USHBP1: variants seen among roughly 807,000 people sequenced by gnomAD.
The protein encoded by USHBP1 is harmonin-binding protein USHBP1.
A neutral mutation model predicts 76.2 loss-of-function variants in USHBP1; 67 were observed. That is an observed-to-expected ratio of 0.88 (90% CI 0.72 to 1.08). The LOEUF is 1.08. Ranked by LOEUF, USHBP1 falls within the 50% of genes least tolerant of loss-of-function variation. The pLI, the probability that USHBP1 is intolerant of heterozygous loss-of-function variation, is 0.00. For synonymous variants in USHBP1, 322 were observed against 362.2 expected, an observed-to-expected ratio of 0.89 and a Z score of 1.26; for missense variants, 931 against 915.0, an observed-to-expected ratio of 1.02 and a Z score of -0.23.
At chr19:17,253,631 G>A (rs1191923074) in intron 10 of USHBP1, among the ~76,000 whole-genome samples, 1 of 148,064 alleles carries the variant, frequency 6.8e-6, no homozygotes, top group Non-Finnish European at 1.5e-5. Flanking sequence ...GGTGGCTCAC[G>A]TCTGTAATCC....
rs34111538 is a variant in USHBP1, at chr19:17,261,337, C to CTTTTTT, written c.642+1209_642+1214dup. ...TTTCTTTTTCTTTCTTTCTTTCTTT[C>CTTTTTT]TTTTTTTTTTTTTTTTGAGAAAGAG... is the stretch of plus-strand genomic sequence containing the variant. On this transcript the variant is annotated intron_variant, in intron 4 of 12. Coordinates refer to ENST00000252597, the MANE Select transcript of USHBP1 (RefSeq NM_031941.4). Among the ~76,000 whole-genome samples, 5 of 123,904 alleles carry CTTTTTT rather than the reference C, an allele frequency of 4.0e-5. 1 individual carries two copies. The highest frequency in any genetic ancestry group is 8.3e-3 in the Middle Eastern group (2 of 240). The allele number at this position is 123,904 out of a possible 152,430, so 81.3% of individuals were successfully genotyped here.
chr19:17,253,065 T>C (rs1599466017), intron 10 of USHBP1, among the ~76,000 whole-genome samples: 1 of 145,358 alleles, frequency 6.9e-6, no homozygotes, highest in Non-Finnish European at 1.5e-5. Context: ...GCCTCCCGGG[T>C]TCACGCCATT....
rs2073726995 is a variant in USHBP1, at chr19:17,264,274, CG to C, written c.25del (p.Arg9GlufsTer39). On this transcript the variant is annotated frameshift_variant, in exon 2 of 13. Coordinates refer to ENST00000252597, the MANE Select transcript of USHBP1 (RefSeq NM_031941.4). LOFTEE classifies it high-confidence loss of function. MSARATRP[R>X]SRRGRHAPPG... ...TGGAGCATGCCTCCCTCGCCGGCTT[CG>C]GGGCCGCGTGGCCCGGGCACTCATT... 4 of 1,613,452 alleles carry C rather than the reference CG, an allele frequency of 2.5e-6. No individual in the cohort carries two copies. Among genetic ancestry groups the C allele is most frequent in the Non-Finnish European group, 3.4e-6 (4 of 1,179,902 alleles).
chr19:17,258,789 T>C, intron 7 of USHBP1: 1 of 279,328 alleles, frequency 3.6e-6, no homozygotes, highest in Non-Finnish European at 7.0e-6. Context: ...AGTCCCCACT[T>C]GCTCCTGAAC....
rs1392344210 is a variant in USHBP1, at chr19:17,255,598, C to T, written c.1479G>A (p.Leu493=). 1.9e-6 allele frequency: 3 copies of T among 1,610,420 alleles called. No individual in the cohort carries two copies. The highest frequency in any genetic ancestry group is 2.5e-6 in the Non-Finnish European group (3 of 1,178,022). ...QQDLVAAREA[L]ADLMLRLQLV... is the part of the protein sequence containing the mutation. Reference sequence around the variant, plus strand: ...GCTGCAGCCGAAGCATCAGGTCCGCCAGGGCCTCCTGTGGGACCAAGGAGA... The same window carrying T: ...GCTGCAGCCGAAGCATCAGGTCCGCTAGGGCCTCCTGTGGGACCAAGGAGA... Residue 493 remains leucine (L), a synonymous_variant, in exon 10 of 13, where the codon CTG becomes CTA. Coordinates refer to ENST00000252597, the MANE Select transcript of USHBP1 (RefSeq NM_031941.4).
In USHBP1 at chr19:17,251,567, G is replaced by A; in HGVS notation, c.1922+15C>T. ...ATGGTGCCAGGGGGATTGGGGGGAT[G>A]CAGAACAGTCCTACCTGTGGGCTTT... is the stretch of plus-strand genomic sequence containing the variant. On this transcript the variant is annotated intron_variant, in intron 12 of 12. Coordinates refer to ENST00000252597, the MANE Select transcript of USHBP1 (RefSeq NM_031941.4). The A allele has an allele frequency of 6.2e-7, 1 of 1,613,202 alleles. No homozygotes were observed. Among genetic ancestry groups the A allele is most frequent in the South Asian group, 1.1e-5 (1 of 91,060 alleles).
chr19:17,252,048 T>C, intron 10 of USHBP1, 31 bp from the exon 11 acceptor site: 2 of 1,539,338 alleles, frequency 1.3e-6, no homozygotes, highest in Non-Finnish European at 1.7e-6. Context: ...GAAAGTGACA[T>C]TAACCTAGGC....
intron 8 of USHBP1, 122 bp downstream of exon 8, chr19:17,258,090 A>C: frequency 2.1e-6 from 3 of 1,396,840 alleles, no homozygotes; most frequent in South Asian, 1.2e-5. Flanking sequence ...AGTGAGCTCC[A>C]TACCGACCTT....
At chr19:17,254,337 A>C (rs2073591822) in intron 10 of USHBP1, among the ~76,000 whole-genome samples, 2 of 149,924 alleles carry the variant, frequency 1.3e-5, no homozygotes, top group African/African-American at 4.9e-5. Context: ...ACAGAGCGAC[A>C]CTCTGCCTCA....
chr19:17,253,350 G>A (rs989695627), intron 10 of USHBP1, among the ~76,000 whole-genome samples: 23 of 149,052 alleles, frequency 1.5e-4, no homozygotes, highest in African/African-American at 5.4e-4. Context: ...GTGCAGTGGC[G>A]CAATCTCGGC....
intron 4 of USHBP1, among the ~76,000 whole-genome samples, chr19:17,261,915 C>T (rs1013569051): frequency 6.6e-6 from 1 of 151,898 alleles, no homozygotes; most frequent in Admixed American, 6.6e-5. Context: ...TAACTCCTGG[C>T]CTCAAGGGAG....
intron 4 of USHBP1, 53 bp downstream of exon 4, chr19:17,262,499 C>A: frequency 6.5e-7 from 1 of 1,538,074 alleles, no homozygotes; most frequent in Non-Finnish European, 8.7e-7. Context: ...ACATCAGGCC[C>A]ACCTCCTCCC....
Position 17,259,741 on chromosome 19 carries a change from A to T in USHBP1, c.769-9T>A. On this transcript the variant is annotated splice_polypyrimidine_tract_variant and intron_variant, in intron 5 of 12. Transcript: ENST00000252597. ...GCCAGGGAGAAGGAGTCCTGCCAAGAAGAAGTGATATAACTGACCCCAATT... is the reference window on the plus strand; with the variant it reads ...GCCAGGGAGAAGGAGTCCTGCCAAGTAGAAGTGATATAACTGACCCCAATT... 1 of 1,606,270 alleles carries T rather than the reference A, an allele frequency of 6.2e-7. No homozygotes were observed. Among genetic ancestry groups the T allele is most frequent in the Non-Finnish European group, 8.5e-7 (1 of 1,176,696 alleles).
chr19:17,259,042 G>A (rs2073656139), intron 7 of USHBP1, among the ~76,000 whole-genome samples: 1 of 152,002 alleles, frequency 6.6e-6, no homozygotes, highest in African/African-American at 2.4e-5. Flanking sequence ...GCATACACCT[G>A]TAATCCCAGC....
intron 12 of USHBP1, 31 bp downstream of exon 12, chr19:17,251,551 G>C: frequency 1.2e-6 from 2 of 1,611,922 alleles, no homozygotes; most frequent in Admixed American, 1.7e-5. Flanking sequence ...GATGGTGCCA[G>C]GGGGATTGGG....
intron 10 of USHBP1, among the ~76,000 whole-genome samples, chr19:17,253,894 CAAAAA>C (rs755318665): frequency 1.1e-5 from 1 of 87,318 alleles, no homozygotes. Context: ...ATCCGTTTCC[CAAAAA>C]AAAAAAAAAA....
At chr19:17,258,849 G>A (rs1232877429) in intron 7 of USHBP1, 2 of 236,130 alleles carry the variant, frequency 8.5e-6, no homozygotes, top group Non-Finnish European at 8.4e-6. Flanking sequence ...GACTCCCTTA[G>A]CAACCCTGAA....
rs35980215 is a variant in USHBP1, at chr19:17,256,518, G to C, written c.1423C>G (p.Pro475Ala). 1.4e-3 allele frequency: 2,280 copies of C among 1,614,002 alleles called. 25 individuals carry two copies. The African/African-American group carries it at 0.024, about 17-fold the overall frequency. Residue 475 changes from proline to alanine, a missense_variant, in exon 9 of 13, where the codon CCC becomes GCC. By Grantham distance (27) the Pro-to-Ala change is conservative (BLOSUM62 -1). Transcript: ENST00000252597. Reference protein sequence around the residue: ...ILGTQAGPALPRLEKTQIQQD... With the variant: ...ILGTQAGPALARLEKTQIQQD... ...TGAATTTGTGTCTTCTCCAGTCGGG[G>C]AAGAGCTGGGCCAGCCTGGGTCCCC...
At position 17,264,340 on chromosome 19, in the gene USHBP1, G is replaced by C. The variant is rs773995372; in HGVS notation, c.-41C>G. On this transcript the variant is annotated 5_prime_UTR_variant, in exon 2 of 13. Transcript: ENST00000252597. ...AGTGCCCTCTGAATGCTTCTCCTTC[G>C]TCAACCCCTAAAACCACAGCCTGCC... is the stretch of plus-strand genomic sequence containing the variant. 2 of 1,576,452 alleles carry C rather than the reference G, an allele frequency of 1.3e-6. No individual in the cohort carries two copies. Among genetic ancestry groups the C allele is most frequent in the Admixed American group, 3.7e-5 (2 of 54,736 alleles).
Sources: allele counts gnomAD v4.1 joint callset (sites outside exome capture counted in the v4.1 genomes callset), GRCh38; gene constraint gnomAD v4.1.1; transcripts MANE v1.5; gene names NCBI Gene and HGNC (gene_info 2026-07-23, HGNC 2026-07-21).